MAP3K9: variants seen among roughly 807,000 people sequenced by gnomAD.
MAP3K9 encodes mitogen-activated protein kinase kinase kinase 9.
In MAP3K9, 46 loss-of-function variants were observed where a neutral mutation model predicts 95.8. The ratio of observed to expected loss-of-function variants is 0.48; its 90% CI spans 0.38 to 0.61. The LOEUF is 0.61. Among genes scored for constraint, MAP3K9 ranks in the 20% least tolerant of loss-of-function variants. The pLI is 0.00. For synonymous variants in MAP3K9, 533 were observed against 593.8 expected (o/e 0.90, Z 1.49); for missense variants, 1,296 against 1,474.3 (o/e 0.88, Z 1.98).
chr14:70,730,434 T>C lies in MAP3K9; in HGVS notation c.3261A>G (p.Glu1087=). ...QDSTVPLCRA[E]LNTHRPAPYE... ...AAGGGGCAGGCCTGTGTGTGTTCAGTTCCGCTCTGCACAGCGGCACGGTGC... is the reference window on the plus strand; with the variant it reads ...AAGGGGCAGGCCTGTGTGTGTTCAGCTCCGCTCTGCACAGCGGCACGGTGC... The change falls in exon 12 of 12, where the codon GAA becomes GAG. Residue 1087 remains glutamate, a synonymous_variant. Transcript: ENST00000554752. 6.2e-7 allele frequency: 1 copy of C among 1,614,186 alleles called. No homozygotes were observed. Among genetic ancestry groups the C allele is most frequent in the South Asian group, 1.1e-5 (1 of 91,078 alleles).
intron 2 of MAP3K9, among the ~76,000 whole-genome samples, chr14:70,763,621 C>G (rs1246111029): frequency 6.6e-6 from 1 of 151,988 alleles, no homozygotes; most frequent in East Asian, 1.9e-4. Flanking sequence ...GCCTCAATCT[C>G]CTGGGCTCAA....
chr14:70,749,155 C>A lies in MAP3K9; in HGVS notation c.1151-151G>T. On this transcript the variant is annotated intron_variant, in intron 4 of 11. Transcript: ENST00000554752. ...AATTTAGGTAACCTCAAATAAGGCT[C>A]AGGAAGTAAAGCAAACTGTCCACCA... 1.3e-5 allele frequency: 9 copies of A among 703,218 alleles called. No individual in the cohort carries two copies. In the South Asian group the frequency reaches 1.5e-4, roughly 12 times the overall value. 43.6% of individuals were successfully genotyped at this position (703,218 alleles called of 1,614,324 possible). A position where few individuals can be genotyped will look rare whatever the true frequency, so the allele number is the denominator to read the frequency against.
At position 70,761,196 on chromosome 14, in the gene MAP3K9, A is replaced by C. The variant is rs3814872; in HGVS notation, c.821-14T>G. 1,416,626 of 1,600,286 alleles carry C rather than the reference A, an allele frequency of 0.89. 627,616 individuals are homozygous for C. Among genetic ancestry groups the C allele is most frequent in the Middle Eastern group, 0.92 (5,557 of 6,046 alleles). On this transcript the variant is annotated splice_polypyrimidine_tract_variant and intron_variant, in intron 2 of 11. Coordinates refer to ENST00000554752, the MANE Select transcript of MAP3K9 (RefSeq NM_001284230.2). ...GGAGGATCAATACTAGGCAAGGAAA[A>C]GAATACAGAAGAAACCAGAGTCTGC...
intron 2 of MAP3K9, among the ~76,000 whole-genome samples, chr14:70,766,265 A>C (rs1170134335): frequency 6.6e-6 from 1 of 152,190 alleles, no homozygotes. Context: ...TCTTAATGTG[A>C]CCCTGGACAA....
rs998033444 is a variant in MAP3K9, at chr14:70,730,290, C to T, written c.*90G>A. The T allele has an allele frequency of 5.3e-6, 8 of 1,514,482 alleles. 1 individual carries two copies. Among genetic ancestry groups the T allele is most frequent in the Non-Finnish European group, 7.1e-6 (8 of 1,128,576 alleles). 93.8% of individuals were successfully genotyped at this position (1,514,482 alleles called of 1,614,324 possible). ...CAGTGCAAGAAGTAGGGCTGGATCT[C>T]AGGGGGTCCAACCCTGAGAAAGGGC... On this transcript the variant is annotated 3_prime_UTR_variant, in exon 12 of 12. Transcript: ENST00000554752.
At chr14:70,782,756 T>C (rs999260988) in intron 2 of MAP3K9, among the ~76,000 whole-genome samples, 2 of 152,170 alleles carry the variant, frequency 1.3e-5, no homozygotes, top group South Asian at 2.1e-4. Flanking sequence ...GTCCATTGCA[T>C]GGGGAAGATG....
Position 70,732,611 on chromosome 14 carries a change from C to T in MAP3K9, c.2758G>A (p.Ala920Thr). ...SSHRRTPSDG[A>T]LKPETLLASR... ...GCTAGGAGAGTCTCTGGCTTAAGGG[C>T]CCCATCAGAAGGAGTCCGCCGGTGA... The change falls in exon 11 of 12, where the codon GCC becomes ACC. Residue 920 changes from alanine (A) to threonine (T), a missense_variant. By Grantham distance (58) the Ala-to-Thr change is moderately conservative. Transcript: ENST00000554752. The T allele has an allele frequency of 1.9e-6, 3 of 1,606,816 alleles. No individual in the cohort carries two copies. The highest frequency in any genetic ancestry group is 1.1e-5 in the South Asian group (1 of 89,894).
intron 11 of MAP3K9, among the ~76,000 whole-genome samples, chr14:70,731,490 G>A (rs1255421537): frequency 6.6e-6 from 1 of 152,170 alleles, no homozygotes; most frequent in African/African-American, 2.4e-5. Flanking sequence ...TTGAAACACA[G>A]CCACATCCAG....
At chr14:70,797,327 C>G (rs1288601402) in intron 2 of MAP3K9, among the ~76,000 whole-genome samples, 1 of 151,934 alleles carries the variant, frequency 6.6e-6, no homozygotes, top group Non-Finnish European at 1.5e-5. Context: ...GTTATGGCTC[C>G]CAAGCTGGAG....
intron 3 of MAP3K9, among the ~76,000 whole-genome samples, chr14:70,759,774 A>T (rs1287422613): frequency 6.6e-6 from 1 of 152,206 alleles, no homozygotes; most frequent in Non-Finnish European, 1.5e-5. Flanking sequence ...TTACTTCTTG[A>T]GACAGGGTCT....
At position 70,732,677 on chromosome 14, in the gene MAP3K9, G is replaced by C. The variant is rs866235964; in HGVS notation, c.2692C>G (p.Pro898Ala). 3 of 1,603,310 alleles carry C rather than the reference G, an allele frequency of 1.9e-6. No homozygotes were observed. The East Asian group carries it at 6.7e-5, about 36-fold the overall frequency. ...FKRDPNQSLT[P>A]THVTLTTPSQ... ...GGGGTGGTGAGGGTGACATGGGTGG[G>C]AGTCAGAGATTGGTTAGGATCTCGT... Residue 898 changes from proline to alanine, a missense_variant, in exon 11 of 12, where the codon CCC becomes GCC. Pro to Ala is a conservative substitution (Grantham distance 27). Coordinates refer to ENST00000554752, the MANE Select transcript of MAP3K9 (RefSeq NM_001284230.2).
chr14:70,743,416 A>G (rs2054103199), intron 5 of MAP3K9, among the ~76,000 whole-genome samples: 1 of 152,224 alleles, frequency 6.6e-6, no homozygotes, highest in Non-Finnish European at 1.5e-5. Context: ...ATCAGAGTGA[A>G]TAGGCAACCT....
chr14:70,795,836 G>A (rs1032790080), intron 2 of MAP3K9, among the ~76,000 whole-genome samples: 20 of 150,668 alleles, frequency 1.3e-4, no homozygotes, highest in African/African-American at 4.2e-4. Context: ...TTAGCTCACC[G>A]CAATCTCTGC....
chr14:70,803,358 A>AAAAAC, intron 1 of MAP3K9, among the ~76,000 whole-genome samples: 1 of 140,898 alleles, frequency 7.1e-6, no homozygotes. Context: ...AAAAAAAAAA[A>AAAAAC]AAAACTGAAC....
In MAP3K9 at chr14:70,724,969, G is replaced by C. The variant is rs1197287985; in HGVS notation, c.*5411C>G. On this transcript the variant is annotated 3_prime_UTR_variant, in exon 12 of 12. Transcript: ENST00000554752. Reference sequence around the variant, plus strand: ...CTGTCATGTCCACATCTGCCAATCAGCCTAGTAAAACTAGGTGATGAGTGC... The same window carrying C: ...CTGTCATGTCCACATCTGCCAATCACCCTAGTAAAACTAGGTGATGAGTGC... 2 of 152,258 alleles carry C rather than the reference G, an allele frequency of 1.3e-5. No individual in the cohort carries two copies. The highest frequency in any genetic ancestry group is 4.8e-5 in the African/African-American group (2 of 41,446). 9.4% of individuals were successfully genotyped at this position (152,258 alleles called of 1,614,324 possible).
At chr14:70,779,573 G>C (rs2054646640) in intron 2 of MAP3K9, among the ~76,000 whole-genome samples, 1 of 152,182 alleles carries the variant, frequency 6.6e-6, no homozygotes. Flanking sequence ...AGCATTTAGT[G>C]AGTTCAGCGG....
At chr14:70,747,748 T>C (rs1010348892) in intron 5 of MAP3K9, among the ~76,000 whole-genome samples, 1 of 152,152 alleles carries the variant, frequency 6.6e-6, no homozygotes, top group African/African-American at 2.4e-5. Context: ...GTGGAAAAAG[T>C]GGGAAACCAT....
At chr14:70,789,851 G>T (rs142159479) in intron 2 of MAP3K9, among the ~76,000 whole-genome samples, 74 of 152,312 alleles carry the variant, frequency 4.9e-4, no homozygotes, top group African/African-American at 1.7e-3. Flanking sequence ...TCACACAGGG[G>T]ACATGTTCTT....
intron 2 of MAP3K9, among the ~76,000 whole-genome samples, chr14:70,777,054 C>T (rs1269145262): frequency 6.6e-6 from 1 of 152,122 alleles, no homozygotes; most frequent in African/African-American, 2.4e-5. Flanking sequence ...TGGTCTCGAA[C>T]TCCTTACCTC....
Sources: allele counts gnomAD v4.1 joint callset (sites outside exome capture counted in the v4.1 genomes callset), GRCh38; gene constraint gnomAD v4.1.1; transcripts MANE v1.5; gene names NCBI Gene and HGNC (gene_info 2026-07-23, HGNC 2026-07-21).